The following KYAT3 variants were observed in gnomAD, a reference collection of about 807,000 sequenced individuals.
The protein encoded by KYAT3 is kynurenine aminotransferase 3.
A neutral mutation model predicts 59.0 loss-of-function variants in KYAT3; 50 were observed. That is an observed-to-expected ratio of 0.85 (90% CI 0.68 to 1.07). KYAT3 has a LOEUF of 1.07. Among genes scored for constraint, KYAT3 ranks in the 50% least tolerant of loss-of-function variants. The pLI is 0.00. For synonymous variants in KYAT3, 148 were observed against 177.0 expected (o/e 0.84, Z 1.30); for missense variants, 497 against 533.3 (o/e 0.93, Z 0.67).
At chr1:88,952,236 G>A (rs1318613213) in intron 10 of KYAT3, among the ~76,000 whole-genome samples, 2 of 152,140 alleles carry the variant, frequency 1.3e-5, no homozygotes, top group East Asian at 1.9e-4. Context: ...GTAATCAATC[G>A]TCTGTAGATG....
At chr1:88,955,360 G>GC (rs1675867654) in intron 8 of KYAT3, 135 bp from the exon 9 acceptor site, 2 of 480,122 alleles carry the variant, frequency 4.2e-6, no homozygotes, top group Non-Finnish European at 7.2e-6. Flanking sequence ...GTTATTTCTA[G>GC]TTTTTTTTTT....
intron 5 of KYAT3, 125 bp downstream of exon 5, chr1:88,964,704 T>C (rs1320225045): frequency 1.3e-6 from 1 of 763,798 alleles, no homozygotes; most frequent in African/African-American, 1.8e-5. Flanking sequence ...TTACTGTACA[T>C]GCATTATACT....
intron 1 of KYAT3, among the ~76,000 whole-genome samples, chr1:88,990,652 CTCTT>C (rs1677739863): frequency 6.6e-6 from 1 of 152,324 alleles, no homozygotes; most frequent in African/African-American, 2.4e-5. Flanking sequence ...GACCTAGGCT[CTCTT>C]TCCATCTCAC....
chr1:88,969,414 A>G lies in KYAT3; in HGVS notation c.153T>C (p.Asn51=). 1.3e-6 allele frequency: 2 copies of G among 1,550,142 alleles called. No individual in the cohort carries two copies. The highest frequency in any genetic ancestry group is 8.9e-7 in the Non-Finnish European group (1 of 1,123,992). ...ATTTATTTTAAGATACTCACCACAC[A>G]TTACTATCAAGTCCTTCAATCCGTT... ...NAKRIEGLDS[N]VWIEFTKLAA... Residue 51 remains asparagine, a synonymous_variant, in exon 3 of 14, where the codon AAT becomes AAC. Coordinates refer to ENST00000260508, the MANE Select transcript of KYAT3 (RefSeq NM_001008661.3).
chr1:88,976,305 C>T (rs916054460), intron 2 of KYAT3, among the ~76,000 whole-genome samples: 8 of 151,618 alleles, frequency 5.3e-5, no homozygotes, highest in Non-Finnish European at 8.8e-5. Flanking sequence ...TGCAGTAAGC[C>T]GAGATCACGC....
At chr1:88,937,778 C>T (rs1675094058) in intron 13 of KYAT3, among the ~76,000 whole-genome samples, 1 of 152,046 alleles carries the variant, frequency 6.6e-6, no homozygotes, top group South Asian at 2.1e-4. Flanking sequence ...GGTTTCCTGC[C>T]GAAGTGCATA....
intron 13 of KYAT3, 95 bp downstream of exon 13, chr1:88,942,910 A>G (rs1675293858): frequency 1.0e-6 from 1 of 965,766 alleles, no homozygotes; most frequent in Non-Finnish European, 1.6e-6. Flanking sequence ...AAAACTGCAT[A>G]TGAGCATATC....
intron 1 of KYAT3, among the ~76,000 whole-genome samples, chr1:88,990,571 A>T (rs2101106415): frequency 6.6e-6 from 1 of 152,292 alleles, no homozygotes; most frequent in African/African-American, 2.4e-5. Context: ...GGCTTTTGAC[A>T]TCTTACAATC....
At chr1:88,974,313 G>C (rs151080077) in intron 2 of KYAT3, among the ~76,000 whole-genome samples, 54 of 152,102 alleles carry the variant, frequency 3.6e-4, no homozygotes, top group African/African-American at 1.3e-3. Context: ...TGTATCTTAA[G>C]TATTTTATGA....
At chr1:88,991,444 G>T (rs932426949) in intron 1 of KYAT3, among the ~76,000 whole-genome samples, 8 of 152,202 alleles carry the variant, frequency 5.3e-5, no homozygotes, top group African/African-American at 1.9e-4. Flanking sequence ...TGTTACAAGA[G>T]TCCGACCACT....
chr1:88,983,242 T>A (rs1449444807), intron 2 of KYAT3: 1 of 1,613,440 alleles, frequency 6.2e-7, no homozygotes, highest in Non-Finnish European at 8.5e-7. Context: ...GCGGTTCCCT[T>A]CGAGGTGGAC....
intron 13 of KYAT3, among the ~76,000 whole-genome samples, chr1:88,937,157 A>T (rs1335629570): frequency 6.6e-6 from 1 of 152,162 alleles, no homozygotes; most frequent in Non-Finnish European, 1.5e-5. Flanking sequence ...AAGAGGGGCA[A>T]GGAGGGCTTC....
At chr1:88,949,543 G>A (rs1430729934) in intron 10 of KYAT3, among the ~76,000 whole-genome samples, 2 of 152,168 alleles carry the variant, frequency 1.3e-5, no homozygotes, top group Non-Finnish European at 2.9e-5. Context: ...ACTTAAAGGT[G>A]GCTTGCTTGG....
the KYAT3 span, among the ~76,000 whole-genome samples, chr1:88,926,288 C>T: frequency 6.6e-6 from 1 of 152,210 alleles, no homozygotes; most frequent in Non-Finnish European, 1.5e-5. Context: ...AATTACCATA[C>T]AAAGGTCCGA....
chr1:88,927,599 C>T, the KYAT3 span, among the ~76,000 whole-genome samples: 1 of 152,040 alleles, frequency 6.6e-6, no homozygotes, highest in Non-Finnish European at 1.5e-5. Flanking sequence ...CCAAATGGTC[C>T]AAGAGGAGAT....
At chr1:88,987,084 CAGT>C in intron 2 of KYAT3, among the ~76,000 whole-genome samples, 1 of 152,340 alleles carries the variant, frequency 6.6e-6, no homozygotes, top group Middle Eastern at 3.4e-3. Flanking sequence ...AATGCATTGT[CAGT>C]GGTTTTTGCC....
At chr1:88,977,358 T>C (rs1292611995) in intron 2 of KYAT3, among the ~76,000 whole-genome samples, 1 of 152,202 alleles carries the variant, frequency 6.6e-6, no homozygotes, top group Non-Finnish European at 1.5e-5. Context: ...CCTGCCACTA[T>C]GCCCAGCTAA....
At chr1:88,990,673 C>A (rs1325880225) in intron 1 of KYAT3, among the ~76,000 whole-genome samples, 1 of 152,190 alleles carries the variant, frequency 6.6e-6, no homozygotes, top group African/African-American at 2.4e-5. Context: ...TCACTTATGA[C>A]CCTCTCACTA....
intron 6 of KYAT3, 35 bp downstream of exon 6, chr1:88,962,012 TCTTAAGTCTTGA>T (rs1371586760): frequency 7.5e-7 from 1 of 1,338,834 alleles, no homozygotes; most frequent in East Asian, 2.3e-5. Flanking sequence ...TTTCAAGACT[TCTTAAGTCTTGA>T]AACTTTGCCA....
Sources: gnomAD v4.1 joint callset for allele counts (sites outside exome capture counted in the v4.1 genomes callset) on GRCh38, gnomAD v4.1.1 for gene constraint, MANE v1.5 for transcripts, NCBI Gene and HGNC (gene_info 2026-07-23, HGNC 2026-07-21) for gene names.